The following FLT3 variants were observed in gnomAD, a reference collection of about 807,000 sequenced individuals.
FLT3 encodes receptor-type tyrosine-protein kinase FLT3.
FLT3 carries 46 observed loss-of-function variants against 126.6 expected under a neutral mutation model. The observed-to-expected ratio is 0.36, with a 90% CI of 0.29 to 0.46. The LOEUF (loss-of-function observed/expected upper bound fraction) is 0.46. Ranked by LOEUF, FLT3 falls within the 20% of genes least tolerant of loss-of-function variation. The probability of loss-of-function intolerance (pLI) is 1.00; values close to 1 mark genes in which losing one functional copy is unlikely to be tolerated. For missense variants in FLT3, 1,069 were observed against 1,190.3 expected (o/e 0.90, Z 1.50); for synonymous variants, 404 against 434.4 (o/e 0.93, Z 0.87).
chr13:28,028,763 C>CTT (rs56181669), intron 15 of FLT3, among the ~76,000 whole-genome samples: 23,570 of 139,940 alleles, frequency 0.17, 2,144 homozygotes, highest in Admixed American at 0.23. Context: ...TCTCCTTTTT[C>CTT]TTTTTTTTTT....
chr13:28,084,848 G>A (rs1160142126), intron 1 of FLT3, among the ~76,000 whole-genome samples: 3 of 151,906 alleles, frequency 2.0e-5, no homozygotes, highest in East Asian at 2.0e-4. Context: ...GGTGGCGGGC[G>A]CCTGTAGTCC....
At chr13:28,035,724 G>A in intron 11 of FLT3, 51 bp from the exon 12 acceptor site, 1 of 1,549,236 alleles carries the variant, frequency 6.5e-7, no homozygotes, top group Non-Finnish European at 8.7e-7. Context: ...TCATCAGATT[G>A]GAAGTTAGGA....
Position 28,070,627 on chromosome 13 carries a change from A to T in FLT3, c.44-15T>A. 1 of 1,579,646 alleles carries T rather than the reference A, an allele frequency of 6.3e-7. No homozygotes were observed. The highest frequency in any genetic ancestry group is 8.7e-7 in the Non-Finnish European group (1 of 1,154,352). ...AGAAAAAACAACTGTAAAACAAAATAAAAATGATAATGTTGATACATGCAC... is the reference window on the plus strand; with the variant it reads ...AGAAAAAACAACTGTAAAACAAAATTAAAATGATAATGTTGATACATGCAC... On this transcript the variant is annotated splice_polypyrimidine_tract_variant and intron_variant, in intron 1 of 23. Transcript: ENST00000241453.
At position 28,024,953 on chromosome 13, in the gene FLT3, A is replaced by T; in HGVS notation, c.2208-10T>A. 1.3e-6 allele frequency: 2 copies of T among 1,591,654 alleles called. No homozygotes were observed. The highest frequency in any genetic ancestry group is 1.1e-5 in the South Asian group (1 of 87,224). ...TCTTGAACCAGGCATGCTATTAAAAAATTTTGTTTTTTCATTATTTACATT... is the reference window on the plus strand; with the variant it reads ...TCTTGAACCAGGCATGCTATTAAAATATTTTGTTTTTTCATTATTTACATT... On this transcript the variant is annotated splice_polypyrimidine_tract_variant and intron_variant, in intron 17 of 23. Transcript: ENST00000241453.
chr13:28,012,062 G>A (rs185406976), intron 23 of FLT3, among the ~76,000 whole-genome samples: 1 of 152,230 alleles, frequency 6.6e-6, no homozygotes, highest in Admixed American at 6.5e-5. Context: ...CCAAAGTGCT[G>A]GGATTACATG....
At chr13:28,045,872 T>C (rs1347656079) in intron 9 of FLT3, among the ~76,000 whole-genome samples, 6 of 140,636 alleles carry the variant, frequency 4.3e-5, no homozygotes, top group Non-Finnish European at 4.6e-5. Context: ...AAAAAAAAGC[T>C]TGATATTTCT....
chr13:28,040,644 T>C (rs1170950375), intron 9 of FLT3, among the ~76,000 whole-genome samples: 4 of 152,154 alleles, frequency 2.6e-5, no homozygotes, highest in African/African-American at 7.2e-5. Context: ...TAATTCTGAC[T>C]GTGTATTGTG....
At chr13:28,033,153 A>C (rs2491221) in intron 15 of FLT3, among the ~76,000 whole-genome samples, 68,320 of 118,440 alleles carry the variant, frequency 0.58, 17,006 homozygotes, top group East Asian at 0.76. Context: ...CCGTATCTAC[A>C]AAAAAAAAAA....
At chr13:28,099,891 A>T (rs74041569) in intron 1 of FLT3, among the ~76,000 whole-genome samples, 5,968 of 152,254 alleles carry the variant, frequency 0.039, 370 homozygotes, top group African/African-American at 0.14. Context: ...TCCTAGGTAA[A>T]CTATTCGTTG....
At chr13:28,089,874 A>G (rs1878918300) in intron 1 of FLT3, among the ~76,000 whole-genome samples, 1 of 151,480 alleles carries the variant, frequency 6.6e-6, no homozygotes, top group Non-Finnish European at 1.5e-5. Flanking sequence ...AACTAGGATT[A>G]AAGGCGCCTG....
At chr13:28,055,894 T>C (rs1213678930) in intron 4 of FLT3, among the ~76,000 whole-genome samples, 1 of 152,086 alleles carries the variant, frequency 6.6e-6, no homozygotes, top group African/African-American at 2.4e-5. Flanking sequence ...GGTGAGGGAC[T>C]AGAAAGGGGG....
Position 28,077,791 on chromosome 13 carries a change from T to C in FLT3, c.44-7179A>G, listed in dbSNP as rs148457442. Among the ~76,000 whole-genome samples the C allele has an allele frequency of 2.4e-3, 370 of 152,114 alleles. 1 individual carries two copies. Among genetic ancestry groups the C allele is most frequent in the African/African-American group, 8.8e-3 (364 of 41,484 alleles). On this transcript the variant is annotated intron_variant, in intron 1 of 23. Coordinates refer to ENST00000241453, the MANE Select transcript of FLT3 (RefSeq NM_004119.3). Reference sequence around the variant, plus strand: ...CCCTTCCACCTATGAGCCTGTAAAATCAAAAGCAAGCTAGTTACTTCCTAG... The same window carrying C: ...CCCTTCCACCTATGAGCCTGTAAAACCAAAAGCAAGCTAGTTACTTCCTAG...
chr13:28,035,624 T>C lies in FLT3; in HGVS notation c.1468A>G (p.Lys490Glu). ...CTCGACACCCACTGTCCAAACACTT[T>C]TCTGTTAGCCTTTCTATTCCAGACT... ...EGVWNRKANR[K>E]VFGQWVSSST... The change falls in exon 12 of 24, where the codon AAA (lysine) becomes GAA (glutamate). Residue 490 changes from lysine to glutamate, a missense_variant. Coordinates refer to ENST00000241453, the MANE Select transcript of FLT3 (RefSeq NM_004119.3). The C allele has an allele frequency of 8.1e-6, 13 of 1,614,148 alleles. No homozygotes were observed. The highest frequency in any genetic ancestry group is 1.1e-5 in the Non-Finnish European group (13 of 1,180,030).
Position 28,024,934 on chromosome 13 carries a change from A to G in FLT3, c.2217T>C (p.Gly739=). 1 of 1,608,176 alleles carries G rather than the reference A, an allele frequency of 6.2e-7. No homozygotes were observed. Among genetic ancestry groups the G allele is most frequent in the Non-Finnish European group, 8.5e-7 (1 of 1,177,028 alleles). Residue 739 remains glycine, a synonymous_variant, in exon 18 of 24, where the codon GGT becomes GGC. Transcript: ENST00000241453. ...CCGGGTGTATCTGAACTTCTCTTGA[A>G]CCAGGCATGCTATTAAAAAATTTTG... The part of the protein sequence containing the change: ...FQSHPNSSMP[G]SREVQIHPDS...
Position 28,033,978 on chromosome 13 carries a change from T to C in FLT3, c.1851A>G (p.Gly617=). The change falls in exon 15 of 24, where the codon GGA becomes GGG. Residue 617 remains glycine (G), a synonymous_variant. Transcript: ENST00000241453. The stretch of plus-strand genomic sequence containing the variant: ...TCATCACTTTTCCAAAAGCACCTGA[T>C]CCTAGTACCTTCCCTGCAAAGACAA... ...RENLEFGKVL[G]SGAFGKVMNA... The C allele has an allele frequency of 6.2e-6, 10 of 1,614,154 alleles. No homozygotes were observed. Among genetic ancestry groups the C allele is most frequent in the Non-Finnish European group, 8.5e-6 (10 of 1,179,994 alleles).
Position 28,073,978 on chromosome 13 carries a change from AT to A in FLT3, c.44-3367del, listed in dbSNP as rs200799308. ...AAAAGAAAAGAAAAAAAAGAAAACAATTTTTTTTAAAAGATAGTAAAGTTAC... is the reference window on the plus strand; with the variant it reads ...AAAAGAAAAGAAAAAAAAGAAAACAATTTTTTTAAAAGATAGTAAAGTTAC... On this transcript the variant is annotated intron_variant, in intron 1 of 23. Coordinates refer to ENST00000241453, the MANE Select transcript of FLT3 (RefSeq NM_004119.3). 7.5e-3 allele frequency among the ~76,000 whole-genome samples: 1,131 copies of A among 151,728 alleles called. 7 individuals are homozygous for A. The highest frequency in any genetic ancestry group is 0.013 in the Non-Finnish European group (857 of 67,894).
rs546389700 is a variant in FLT3, at chr13:28,094,997, A to C, written c.43+5471T>G. ...TATAAAACTCGCAGATTCCCCAAAG[A>C]CAGAAAAATCTTCGACCCTATAACT... On this transcript the variant is annotated intron_variant, in intron 1 of 23. Coordinates refer to ENST00000241453, the MANE Select transcript of FLT3 (RefSeq NM_004119.3). 1.2e-4 allele frequency among the ~76,000 whole-genome samples: 18 copies of C among 152,308 alleles called. No homozygotes were observed. In the South Asian group the frequency reaches 1.7e-3, roughly 14 times the overall value.
At chr13:28,097,226 AAAAG>A (rs60643580) in intron 1 of FLT3, among the ~76,000 whole-genome samples, 28,767 of 151,028 alleles carry the variant, frequency 0.19, 5,083 homozygotes, top group African/African-American at 0.47. Context: ...GAAAGAAAGA[AAAAG>A]AAAGAAAGAA....
chr13:28,099,647 C>T, intron 1 of FLT3, among the ~76,000 whole-genome samples: 1 of 152,152 alleles, frequency 6.6e-6, no homozygotes, highest in Non-Finnish European at 1.5e-5. Context: ...GCACCCAGAA[C>T]TCTGTCGCCT....
Sources: allele counts gnomAD v4.1 joint callset (sites outside exome capture counted in the v4.1 genomes callset), GRCh38; gene constraint gnomAD v4.1.1; transcripts MANE v1.5; gene names NCBI Gene and HGNC (gene_info 2026-07-23, HGNC 2026-07-21).